ASCC1: variants seen among roughly 807,000 people sequenced by gnomAD.
ASCC1 encodes the protein ASC-1 complex subunit P50.
ASCC1 carries 35 observed loss-of-function variants against 46.6 expected under a neutral mutation model. That is an observed-to-expected ratio of 0.75 (90% CI 0.57 to 0.99). The LOEUF is 0.99. ASCC1 is among the 50% of genes least tolerant of loss of function. The probability of loss-of-function intolerance (pLI) is 0.00; values close to 1 mark genes in which losing one functional copy is unlikely to be tolerated. For synonymous variants in ASCC1, 143 were observed against 146.6 expected (o/e 0.98, Z 0.18); for missense variants, 376 against 428.7 (o/e 0.88, Z 1.09).
At chr10:72,184,323 G>A (rs527320410) in intron 5 of ASCC1, among the ~76,000 whole-genome samples, 5 of 151,782 alleles carry the variant, frequency 3.3e-5, no homozygotes, top group Non-Finnish European at 7.4e-5. Context: ...TACATTAAAC[G>A]TAAATGTTCT....
chr10:72,097,445 A>G lies in ASCC1; in HGVS notation c.963T>C (p.Phe321=). ...TTAGGGAGCCAAAGTAGAAGTTCTC[A>G]AACAACTGAAAAGGAAGAATAAAAA... ...SFDGRNILKL[F]ENFYFGSLKL... The change falls in exon 10 of 10, where the codon TTT becomes TTC. Residue 321 remains phenylalanine (F), a synonymous_variant. Coordinates refer to ENST00000672957, the MANE Select transcript of ASCC1 (RefSeq NM_001198800.3). 2.5e-6 allele frequency: 4 copies of G among 1,580,906 alleles called. No individual in the cohort carries two copies. The highest frequency in any genetic ancestry group is 3.5e-6 in the Non-Finnish European group (4 of 1,149,956).
intron 4 of ASCC1, chr10:72,198,602 A>G (rs1304221970): frequency 2.2e-6 from 1 of 455,758 alleles, no homozygotes; most frequent in South Asian, 1.5e-5. Flanking sequence ...ATTTCAAAAC[A>G]GACAAGACCA....
chr10:72,139,265 C>G (rs1305249189), intron 7 of ASCC1, among the ~76,000 whole-genome samples: 1 of 151,990 alleles, frequency 6.6e-6, no homozygotes, highest in East Asian at 1.9e-4. Context: ...AGATGCCCGC[C>G]ACCACGCCCG....
intron 7 of ASCC1, among the ~76,000 whole-genome samples, chr10:72,148,262 C>T (rs2132500034): frequency 6.6e-6 from 1 of 151,956 alleles, no homozygotes; most frequent in Admixed American, 6.6e-5. Flanking sequence ...AAGCTGTGTT[C>T]CTTTTGGAAA....
At chr10:72,170,954 G>A (rs908655267) in intron 5 of ASCC1, among the ~76,000 whole-genome samples, 14 of 152,140 alleles carry the variant, frequency 9.2e-5, no homozygotes, top group African/African-American at 3.4e-4. Context: ...GGACAACATA[G>A]CAAGATCCCA....
rs1275103271 is a variant in ASCC1, at chr10:72,190,015, C to G, written c.489+6796G>C. On this transcript the variant is annotated intron_variant, in intron 5 of 9. Coordinates refer to ENST00000672957, the MANE Select transcript of ASCC1 (RefSeq NM_001198800.3). ...ATGTCATGTGCTTTCTTCTGAGGGT[C>G]CACTGCTGGCAGTACCGCCAGCTCT... 5.3e-6 allele frequency: 4 copies of G among 758,488 alleles called. No individual in the cohort carries two copies. The East Asian group carries it at 9.8e-5, about 18-fold the overall frequency. The allele number at this position is 758,488 out of a possible 1,614,324, so 47.0% of individuals were successfully genotyped here.
intron 5 of ASCC1, among the ~76,000 whole-genome samples, chr10:72,182,130 CT>C (rs1185413508): frequency 1.8e-4 from 27 of 152,260 alleles, no homozygotes; most frequent in African/African-American, 6.3e-4. Context: ...GTTCTAGGCC[CT>C]CATTCCCCCA....
intron 9 of ASCC1, chr10:72,103,057 C>A: frequency 2.5e-6 from 1 of 394,064 alleles, no homozygotes; most frequent in Non-Finnish European, 5.0e-6. Context: ...CAACAGCCAA[C>A]ATTTATTAAG....
intron 5 of ASCC1, among the ~76,000 whole-genome samples, chr10:72,194,738 GTTTTT>G (rs1855104151): frequency 6.6e-6 from 1 of 151,416 alleles, no homozygotes; most frequent in Non-Finnish European, 1.5e-5. Flanking sequence ...GTTTTGTTTT[GTTTTT>G]GTTTGTTTTT....
At chr10:72,136,775 G>T (rs1400138627) in intron 7 of ASCC1, among the ~76,000 whole-genome samples, 1 of 152,122 alleles carries the variant, frequency 6.6e-6, no homozygotes, top group Non-Finnish European at 1.5e-5. Flanking sequence ...CTTCATTCCT[G>T]AAGTCAGCAA....
At chr10:72,210,627 C>T in intron 3 of ASCC1, 105 bp downstream of exon 3, 2 of 833,900 alleles carry the variant, frequency 2.4e-6, no homozygotes, top group Non-Finnish European at 4.0e-6. Context: ...ACTATTTTAT[C>T]ATTAGTAATC....
intron 2 of ASCC1, among the ~76,000 whole-genome samples, chr10:72,211,768 A>G (rs1408729361): frequency 6.6e-6 from 1 of 151,848 alleles, no homozygotes; most frequent in Non-Finnish European, 1.5e-5. Flanking sequence ...GCTTGCAGTG[A>G]GCCGAGATCG....
intron 5 of ASCC1, among the ~76,000 whole-genome samples, chr10:72,163,029 G>A (rs1589416516): frequency 6.6e-6 from 1 of 152,006 alleles, no homozygotes; most frequent in East Asian, 1.9e-4. Flanking sequence ...ACAAGCACAT[G>A]AACATCATTA....
At position 72,187,719 on chromosome 10, in the gene ASCC1, C is replaced by CAAAAA. The variant is rs761851091; in HGVS notation, c.489+9087_489+9091dup. ...TGGGTGACAGAGCGAGAATCCGTCT[C>CAAAAA]AAAAAAAAAAAAAAAAAAAAAAACT... On this transcript the variant is annotated intron_variant, in intron 5 of 9. Transcript: ENST00000672957. 9.5e-3 allele frequency among the ~76,000 whole-genome samples: 336 copies of CAAAAA among 35,186 alleles called. 34 individuals are homozygous for CAAAAA. The highest frequency in any genetic ancestry group is 0.035 in the African/African-American group (318 of 9,176). 23.1% of individuals were successfully genotyped at this position (35,186 alleles called of 152,430 possible). A position where few individuals can be genotyped will look rare whatever the true frequency, so the allele number is the denominator to read the frequency against.
At chr10:72,108,801 A>G (rs919550868) in intron 9 of ASCC1, among the ~76,000 whole-genome samples, 18 of 152,210 alleles carry the variant, frequency 1.2e-4, no homozygotes, top group African/African-American at 4.1e-4. Context: ...ACTGACTATA[A>G]TCTCTAATGC....
chr10:72,190,177 A>G, intron 5 of ASCC1: 1 of 763,530 alleles, frequency 1.3e-6, no homozygotes, highest in Non-Finnish European at 2.4e-6. Context: ...CTAAGGGTGC[A>G]ACTTACGGCA....
intron 9 of ASCC1, among the ~76,000 whole-genome samples, chr10:72,111,592 C>T (rs769845253): frequency 6.6e-6 from 1 of 152,074 alleles, no homozygotes; most frequent in Admixed American, 6.6e-5. Context: ...ATAATGTTCA[C>T]ATTTGAGTAT....
At chr10:72,143,502 A>G (rs1847277642) in intron 7 of ASCC1, among the ~76,000 whole-genome samples, 1 of 149,770 alleles carries the variant, frequency 6.7e-6, no homozygotes, top group South Asian at 2.1e-4. Context: ...CACGCCTCAA[A>G]CTCCCTTATT....
intron 7 of ASCC1, among the ~76,000 whole-genome samples, chr10:72,150,645 A>G (rs937536717): frequency 1.2e-4 from 19 of 152,206 alleles, no homozygotes; most frequent in African/African-American, 3.6e-4. Context: ...AAAAAATTAA[A>G]AAGAGTAAAC....
Sources: gnomAD v4.1 joint callset for allele counts (sites outside exome capture counted in the v4.1 genomes callset) on GRCh38, gnomAD v4.1.1 for gene constraint, MANE v1.5 for transcripts, NCBI Gene and HGNC (gene_info 2026-07-23, HGNC 2026-07-21) for gene names.